The following KLC1 variants were observed in gnomAD, a reference collection of about 807,000 sequenced individuals.
KLC1 encodes the protein kinesin light chain 1.
Under a neutral mutation model 84.2 loss-of-function variants are expected in KLC1, and 30 were observed. That is an observed-to-expected ratio of 0.36 (90% CI 0.27 to 0.48). KLC1 has a LOEUF of 0.48. Among genes scored for constraint, KLC1 ranks in the 20% least tolerant of loss-of-function variants. KLC1 has a pLI of 0.99. For missense variants in KLC1, 499 were observed against 805.4 expected (o/e 0.62, Z 4.60); for synonymous variants, 289 against 293.3 (o/e 0.99, Z 0.15).
intron 1 of KLC1, among the ~76,000 whole-genome samples, chr14:103,652,198 G>T (rs943955509): frequency 1.3e-5 from 2 of 152,112 alleles, no homozygotes; most frequent in African/African-American, 4.8e-5. Context: ...CTTCCCTTCA[G>T]TCATAGGAAC....
chr14:103,698,941 G>T (rs754089796), intron 15 of KLC1: 27 of 1,600,260 alleles, frequency 1.7e-5, no homozygotes, highest in Non-Finnish European at 2.2e-5. Context: ...TCGCGGAGCC[G>T]GTCAGCCAGC....
At chr14:103,689,323 C>T (rs993917108) in intron 14 of KLC1, among the ~76,000 whole-genome samples, 8 of 152,032 alleles carry the variant, frequency 5.3e-5, no homozygotes, top group East Asian at 1.9e-4. Flanking sequence ...GTGTCTTTGC[C>T]GTGATAAAAA....
chr14:103,701,168 G>A (rs375384505), intron 16 of KLC1, 33 bp from the exon 17 acceptor site: 622 of 1,549,482 alleles, frequency 4.0e-4, no homozygotes, highest in East Asian at 9.8e-4. Flanking sequence ...AGGTTTTGGC[G>A]GCCCAGCCCT....
intron 11 of KLC1, 137 bp downstream of exon 11, chr14:103,675,893 TAAAAA>T: frequency 7.5e-6 from 5 of 670,322 alleles, no homozygotes; most frequent in Non-Finnish European, 1.3e-5. Flanking sequence ...GAATTCCAAT[TAAAAA>T]AACCCCACTA....
chr14:103,654,744 T>C lies in KLC1; in HGVS notation c.180T>C (p.Asp60=). 6.2e-7 allele frequency: 1 copy of C among 1,614,204 alleles called. No individual in the cohort carries two copies. Among genetic ancestry groups the C allele is most frequent in the African/African-American group, 1.3e-5 (1 of 75,064 alleles). The change falls in exon 2 of 17, where the codon GAT becomes GAC. Residue 60 remains aspartate (D), a synonymous_variant. Coordinates refer to ENST00000334553, the MANE Select transcript of KLC1 (RefSeq NM_001394837.1). The part of the protein sequence containing the change: ...LETLKCLKKD[D]ESNLVEEKSN... Reference sequence around the variant, plus strand: ...CACTGAAGTGTTTGAAGAAAGATGATGAAAGTAATTTGGTGGAGGAGAAAT... The same window carrying C: ...CACTGAAGTGTTTGAAGAAAGATGACGAAAGTAATTTGGTGGAGGAGAAAT...
chr14:103,654,341 G>A (rs1362579989), intron 1 of KLC1, among the ~76,000 whole-genome samples: 1 of 152,132 alleles, frequency 6.6e-6, no homozygotes, highest in Non-Finnish European at 1.5e-5. Flanking sequence ...TTCAGTTGCT[G>A]TCATAAAAAA....
intron 14 of KLC1, among the ~76,000 whole-genome samples, chr14:103,689,386 G>C (rs921820660): frequency 6.6e-6 from 1 of 152,162 alleles, no homozygotes; most frequent in Non-Finnish European, 1.5e-5. Flanking sequence ...AGTGTTCATG[G>C]GGCTGTAGCA....
chr14:103,680,274 ATTTT>A (rs11294847), intron 13 of KLC1, among the ~76,000 whole-genome samples: 3 of 140,096 alleles, frequency 2.1e-5, no homozygotes, highest in Non-Finnish European at 3.1e-5. Context: ...TAGCACATGG[ATTTT>A]TTTTTTTTTT....
intron 1 of KLC1, among the ~76,000 whole-genome samples, chr14:103,652,751 A>G (rs899706246): frequency 6.6e-6 from 1 of 152,134 alleles, no homozygotes; most frequent in Non-Finnish European, 1.5e-5. Context: ...TTCGCCTCCC[A>G]AAGTGCTGGG....
chr14:103,655,115 A>G (rs1030901745), intron 2 of KLC1, among the ~76,000 whole-genome samples: 5 of 151,924 alleles, frequency 3.3e-5, no homozygotes, highest in Admixed American at 6.6e-5. Context: ...TAATCCAGCT[A>G]CTAGGCAGGC....
At chr14:103,639,830 T>G (rs540629573) in intron 1 of KLC1, among the ~76,000 whole-genome samples, 1 of 151,380 alleles carries the variant, frequency 6.6e-6, no homozygotes, top group South Asian at 2.1e-4. Context: ...GCAATCATGT[T>G]TCACTGCAGC....
At chr14:103,700,997 G>A (rs2083147919) in intron 16 of KLC1, among the ~76,000 whole-genome samples, 1 of 152,220 alleles carries the variant, frequency 6.6e-6, no homozygotes, top group African/African-American at 2.4e-5. Flanking sequence ...CCAGACGCAG[G>A]CCTTTGGTGC....
intron 16 of KLC1, 100 bp downstream of exon 16, chr14:103,700,827 G>A: frequency 2.0e-6 from 2 of 995,736 alleles, no homozygotes; most frequent in South Asian, 3.3e-5. Context: ...GGCAAGTGGT[G>A]ACTGCTGCTA....
intron 15 of KLC1, chr14:103,695,159 T>TAC (rs10695396): frequency 2.9e-6 from 2 of 698,144 alleles, no homozygotes; most frequent in African/African-American, 7.5e-5. Flanking sequence ...AATGTTAAAT[T>TAC]ATATATATAT....
chr14:103,682,694 A>G (rs2081460188), intron 13 of KLC1: 1 of 151,650 alleles, frequency 6.6e-6, no homozygotes, highest in Non-Finnish European at 1.5e-5. Context: ...GAAAAAAAAG[A>G]AAAAAGAAAA....
chr14:103,685,800 C>G (rs2081738503), intron 13 of KLC1: 2 of 1,216,058 alleles, frequency 1.6e-6, no homozygotes, highest in Admixed American at 3.3e-5. Context: ...TGCTGCTGTC[C>G]TTTTTGGGGG....
intron 15 of KLC1, chr14:103,698,640 C>A: frequency 1.4e-6 from 1 of 710,620 alleles, no homozygotes; most frequent in Non-Finnish European, 2.4e-6. Context: ...CAGTCTGTGG[C>A]CACCATCTTC....
At chr14:103,679,808 C>G in intron 13 of KLC1, 2 of 404,254 alleles carry the variant, frequency 4.9e-6, no homozygotes, top group South Asian at 5.4e-5. Flanking sequence ...CTATTTAAAG[C>G]ATGATCCCTG....
In KLC1 at chr14:103,665,091, T is replaced by C. The variant is rs945986500; in HGVS notation, c.797+2164T>C. On this transcript the variant is annotated intron_variant, in intron 5 of 16. Transcript: ENST00000334553. ...AAAATAGTAGCTACATATGTATTCA[T>C]ATTCAGTATTCTACCTTTCAGCTTG... Among the ~76,000 whole-genome samples, 5 of 152,152 alleles carry C rather than the reference T, an allele frequency of 3.3e-5. No homozygotes were observed. The East Asian group carries it at 7.7e-4, about 23-fold the overall frequency.
Sources: gnomAD v4.1 joint callset for allele counts (sites outside exome capture counted in the v4.1 genomes callset) on GRCh38, gnomAD v4.1.1 for gene constraint, MANE v1.5 for transcripts, NCBI Gene and HGNC (gene_info 2026-07-23, HGNC 2026-07-21) for gene names.